MLYCD: variants seen among roughly 807,000 people sequenced by gnomAD.
MLYCD encodes malonyl-CoA decarboxylase, mitochondrial.
Under a neutral mutation model 35.8 loss-of-function variants are expected in MLYCD, and 27 were observed. That is an observed-to-expected ratio of 0.75 (90% CI 0.56 to 1.04). The LOEUF is 1.04. Among genes scored for constraint, MLYCD ranks in the 50% least tolerant of loss-of-function variants. MLYCD has a pLI of 0.00. For synonymous variants in MLYCD, 403 were observed against 302.4 expected, an observed-to-expected ratio of 1.33 and a Z score of -3.45; for missense variants, 917 against 665.1, an observed-to-expected ratio of 1.38 and a Z score of -4.17.
At chr16:83,905,884 G>A (rs1049696183) in intron 1 of MLYCD, among the ~76,000 whole-genome samples, 2 of 152,340 alleles carry the variant, frequency 1.3e-5, no homozygotes, top group African/African-American at 4.8e-5. Flanking sequence ...CCGAGGCGAC[G>A]CTGCTCCTGC....
chr16:83,911,270 G>A (rs1312291807), intron 3 of MLYCD, among the ~76,000 whole-genome samples: 3 of 152,194 alleles, frequency 2.0e-5, no homozygotes, highest in East Asian at 1.9e-4. Flanking sequence ...GAGCCACCGC[G>A]CCCGGCCTCC....
intron 3 of MLYCD, among the ~76,000 whole-genome samples, 199 bp downstream of exon 3, chr16:83,908,481 T>C (rs1907061389): frequency 6.6e-6 from 1 of 152,104 alleles, no homozygotes; most frequent in Non-Finnish European, 1.5e-5. Flanking sequence ...CAGACAGTTA[T>C]GGAGCAAGGC....
In MLYCD at chr16:83,926,105, G is replaced by C. The variant is rs544315111; in HGVS notation, c.*10616G>C. 1 of 152,384 alleles carries C rather than the reference G, an allele frequency of 6.6e-6. No individual in the cohort carries two copies. The highest frequency in any genetic ancestry group is 6.5e-5 in the Admixed American group (1 of 15,300). The allele number at this position is 152,384 out of a possible 1,614,324, so 9.4% of individuals were successfully genotyped here. A position where few individuals can be genotyped will look rare whatever the true frequency, so the allele number is the denominator to read the frequency against. On this transcript the variant is annotated 3_prime_UTR_variant, in exon 5 of 5. Coordinates refer to ENST00000262430, the MANE Select transcript of MLYCD (RefSeq NM_012213.3). The stretch of plus-strand genomic sequence containing the variant: ...TTACTTGGGTACACTCCTTGCCCAG[G>C]GTTCCACAGCCCCTTAAAGGCAGGG...
In MLYCD at chr16:83,915,758, G is replaced by A. The variant is rs1050154841; in HGVS notation, c.*269G>A. Reference sequence around the variant, plus strand: ...CCGGAAGATTCTGTCGTTGCCCTTGGCCTGGCTCCCTGCCCGGGGCTGGTG... The same window carrying A: ...CCGGAAGATTCTGTCGTTGCCCTTGACCTGGCTCCCTGCCCGGGGCTGGTG... On this transcript the variant is annotated 3_prime_UTR_variant, in exon 5 of 5. Transcript: ENST00000262430. 3 of 1,344,768 alleles carry A rather than the reference G, an allele frequency of 2.2e-6. No individual in the cohort carries two copies. The Admixed American group carries it at 9.2e-5, about 41-fold the overall frequency. 83.3% of individuals were successfully genotyped at this position (1,344,768 alleles called of 1,614,324 possible). A position where few individuals can be genotyped will look rare whatever the true frequency, so the allele number is the denominator to read the frequency against.
In MLYCD at chr16:83,923,435, A is replaced by C. The variant is rs1044416715; in HGVS notation, c.*7946A>C. On this transcript the variant is annotated 3_prime_UTR_variant, in exon 5 of 5. Coordinates refer to ENST00000262430, the MANE Select transcript of MLYCD (RefSeq NM_012213.3). ...GCCTCATTTGCAGTTTAGCGGACTC[A>C]CAGAGGTGACCCTAGATCTCTGTCT... The C allele has an allele frequency of 6.6e-6, 1 of 152,256 alleles. No homozygotes were observed. Among genetic ancestry groups the C allele is most frequent in the African/African-American group, 2.4e-5 (1 of 41,472 alleles). The allele number at this position is 152,256 out of a possible 1,614,324, so 9.4% of individuals were successfully genotyped here.
Position 83,918,839 on chromosome 16 carries a change from AACACGC to A in MLYCD, c.*3355_*3360del, listed in dbSNP as rs1226652651. ...AGAACACAGACACAGTACACAGGAG[AACACGC>A]ACACACAGTGCACAGAACACAGCCA... On this transcript the variant is annotated 3_prime_UTR_variant, in exon 5 of 5. Transcript: ENST00000262430. The A allele has an allele frequency of 6.6e-6, 1 of 150,430 alleles. No individual in the cohort carries two copies. The highest frequency in any genetic ancestry group is 1.5e-5 in the Non-Finnish European group (1 of 68,142). 9.3% of individuals were successfully genotyped at this position (150,430 alleles called of 1,614,324 possible).
At position 83,899,597 on chromosome 16, in the gene MLYCD, G is replaced by A. The variant is rs766316428; in HGVS notation, c.453G>A (p.Val151=). 3.2e-6 allele frequency: 5 copies of A among 1,586,816 alleles called. No homozygotes were observed. In the Admixed American group the frequency reaches 6.8e-5, roughly 22 times the overall value. Residue 151 remains valine, a synonymous_variant, in exon 1 of 5, where the codon GTG becomes GTA. Coordinates refer to ENST00000262430, the MANE Select transcript of MLYCD (RefSeq NM_012213.3). ...ACATCAGCAAGCTGGACGGCGGCGT[G>A]CGCTTCCTGGTGCAGCTGCGGGCCG... The part of the protein sequence containing the change: ...FHHISKLDGG[V]RFLVQLRADL...
Position 83,921,634 on chromosome 16 carries a change from T to C in MLYCD, c.*6145T>C, listed in dbSNP as rs1907657291. The C allele has an allele frequency of 6.6e-6, 1 of 152,200 alleles. No individual in the cohort carries two copies. Among genetic ancestry groups the C allele is most frequent in the Admixed American group, 6.5e-5 (1 of 15,278 alleles). 9.4% of individuals were successfully genotyped at this position (152,200 alleles called of 1,614,324 possible). ...CTGTCGTCCCTCTATGATACTGCACTGAACCAATATTCCCCTCACTTCATG... is the reference window on the plus strand; with the variant it reads ...CTGTCGTCCCTCTATGATACTGCACCGAACCAATATTCCCCTCACTTCATG... On this transcript the variant is annotated 3_prime_UTR_variant, in exon 5 of 5. Coordinates refer to ENST00000262430, the MANE Select transcript of MLYCD (RefSeq NM_012213.3).
intron 3 of MLYCD, chr16:83,911,990 C>G (rs183619072): frequency 1.0e-5 from 6 of 573,910 alleles, no homozygotes; most frequent in Non-Finnish European, 1.9e-5. Context: ...TTTCAAGAAA[C>G]GATGCAGTGC....
chr16:83,915,044 CGAA>C lies in MLYCD; in HGVS notation c.1039_1041del (p.Lys347del), dbSNP rs1567636890. On this transcript the variant is annotated inframe_deletion, in exon 5 of 5. Transcript: ENST00000262430. ...CTTCTGGGGCTTCTGAACTCGCAAA[CGAA>C]GGAGCATGGGAGGAATGAACTCTTT... 6 of 1,614,204 alleles carry C rather than the reference CGAA, an allele frequency of 3.7e-6. 1 individual carries two copies. The highest frequency in any genetic ancestry group is 3.3e-5 in the South Asian group (3 of 91,084).
At position 83,923,112 on chromosome 16, in the gene MLYCD, C is replaced by G. The variant is rs999587524; in HGVS notation, c.*7623C>G. The stretch of plus-strand genomic sequence containing the variant: ...CTACCCTCTCCATCCCTCCTTCCCT[C>G]TGAGGGCTTGACCTTCACTGACCTC... On this transcript the variant is annotated 3_prime_UTR_variant, in exon 5 of 5. Coordinates refer to ENST00000262430, the MANE Select transcript of MLYCD (RefSeq NM_012213.3). The G allele has an allele frequency of 6.6e-6, 1 of 152,322 alleles. No individual in the cohort carries two copies. The highest frequency in any genetic ancestry group is 2.4e-5 in the African/African-American group (1 of 41,456). 9.4% of individuals were successfully genotyped at this position (152,322 alleles called of 1,614,324 possible).
In MLYCD at chr16:83,899,154, T is replaced by G. The variant is rs1302612158; in HGVS notation, c.10T>G (p.Phe4Val). ...GCTGTTGTGGGGCACCATGCGAGGCTTCGGGCCAGGCTTGACGGCCAGGCG... is the reference window on the plus strand; with the variant it reads ...GCTGTTGTGGGGCACCATGCGAGGCGTCGGGCCAGGCTTGACGGCCAGGCG... MRG[F>V]GPGLTARRLL... Residue 4 changes from phenylalanine (F) to valine (V), a missense_variant, in exon 1 of 5, where the codon TTC (phenylalanine) becomes GTC (valine). Coordinates refer to ENST00000262430, the MANE Select transcript of MLYCD (RefSeq NM_012213.3). The G allele has an allele frequency of 8.7e-7, 1 of 1,147,306 alleles. No homozygotes were observed. The highest frequency in any genetic ancestry group is 1.1e-6 in the Non-Finnish European group (1 of 936,696). 71.1% of individuals were successfully genotyped at this position (1,147,306 alleles called of 1,614,324 possible). A position where few individuals can be genotyped will look rare whatever the true frequency, so the allele number is the denominator to read the frequency against.
intron 1 of MLYCD, among the ~76,000 whole-genome samples, chr16:83,900,109 G>T (rs1005151273): frequency 6.6e-6 from 1 of 152,196 alleles, no homozygotes. Flanking sequence ...CGCTATGTGT[G>T]AGACATTGTC....
At chr16:83,909,638 T>A (rs527409166) in intron 3 of MLYCD, among the ~76,000 whole-genome samples, 1 of 144,960 alleles carries the variant, frequency 6.9e-6, no homozygotes, top group Admixed American at 6.8e-5. Context: ...TTTTTTTTTT[T>A]GAAGCGGAGT....
Position 83,915,285 on chromosome 16 carries a change from C to T in MLYCD, c.1278C>T (p.Asn426=), listed in dbSNP as rs367874845. ...CCGTGGCCAACTTCCACCTGCAGAA[C>T]GGGGCGGTGCTGTGGCGCATCAACT... ...LNPVANFHLQ[N]GAVLWRINWM... Residue 426 remains asparagine (N), a synonymous_variant, in exon 5 of 5, where the codon AAC becomes AAT. Transcript: ENST00000262430. 22 of 1,612,722 alleles carry T rather than the reference C, an allele frequency of 1.4e-5. No homozygotes were observed. In the African/African-American group the frequency reaches 1.5e-4, roughly 11 times the overall value.
chr16:83,903,221 C>A (rs1906860265), intron 1 of MLYCD, among the ~76,000 whole-genome samples: 2 of 152,158 alleles, frequency 1.3e-5, no homozygotes, highest in South Asian at 4.1e-4. Flanking sequence ...GGCACAGAAA[C>A]TAGAGAAGGG....
chr16:83,914,867 G>A (rs996220078), intron 4 of MLYCD, 89 bp from the exon 5 acceptor site: 15 of 1,560,986 alleles, frequency 9.6e-6, no homozygotes, highest in African/African-American at 1.4e-5. Context: ...CATGTGAGCC[G>A]TAGGTTAAGA....
In MLYCD at chr16:83,904,674, A is replaced by G. The variant is rs560721177; in HGVS notation, c.529-2313A>G. ...AAGGAGATTGAGTCATGGAATGTAG[A>G]GTTAAAAGGAATTGCAAAGATCTTC... On this transcript the variant is annotated intron_variant, in intron 1 of 4. Transcript: ENST00000262430. Among the ~76,000 whole-genome samples, 3 of 152,334 alleles carry G rather than the reference A, an allele frequency of 2.0e-5. No homozygotes were observed. In the South Asian group the frequency reaches 6.2e-4, roughly 32 times the overall value.
Position 83,920,724 on chromosome 16 carries a change from T to G in MLYCD, c.*5235T>G, listed in dbSNP as rs1467383125. ...ATCTCTCTAACCTCTTATGGAAAAT[T>G]TCAAACATATGTAAAAGCAGGGAGA... On this transcript the variant is annotated 3_prime_UTR_variant, in exon 5 of 5. Coordinates refer to ENST00000262430, the MANE Select transcript of MLYCD (RefSeq NM_012213.3). The G allele has an allele frequency of 6.6e-6, 1 of 152,198 alleles. No homozygotes were observed. The highest frequency in any genetic ancestry group is 1.5e-5 in the Non-Finnish European group (1 of 68,042). 9.4% of individuals were successfully genotyped at this position (152,198 alleles called of 1,614,324 possible).
Sources: allele counts gnomAD v4.1 joint callset (sites outside exome capture counted in the v4.1 genomes callset), GRCh38; gene constraint gnomAD v4.1.1; transcripts MANE v1.5; gene names NCBI Gene and HGNC (gene_info 2026-07-23, HGNC 2026-07-21).